The following PABPC4L variants were observed in gnomAD, a reference collection of about 807,000 sequenced individuals.
The protein encoded by PABPC4L is poly(A) binding protein cytoplasmic 4 like.
For synonymous variants in PABPC4L, 169 were observed against 164.1 expected (o/e 1.03, Z -0.23); for missense variants, 452 against 451.4 (o/e 1.00, Z -0.01).
the PABPC4L span, among the ~76,000 whole-genome samples, chr4:134,044,399 G>A: frequency 6.6e-6 from 1 of 152,038 alleles, no homozygotes; most frequent in Non-Finnish European, 1.5e-5. Context: ...GAGTAGCTGG[G>A]ACTACAGGCA....
At chr4:133,980,945 G>A in the PABPC4L span, among the ~76,000 whole-genome samples, 1 of 152,110 alleles carries the variant, frequency 6.6e-6, no homozygotes, top group Non-Finnish European at 1.5e-5. Context: ...ATCATTTGAG[G>A]TCAGGAGTTC....
chr4:134,088,152 C>A, the PABPC4L span, among the ~76,000 whole-genome samples: 1 of 152,150 alleles, frequency 6.6e-6, no homozygotes, highest in African/African-American at 2.4e-5. Context: ...CCTCATCTCC[C>A]TGTATCCTAA....
chr4:133,958,503 T>C, the PABPC4L span, among the ~76,000 whole-genome samples: 4 of 152,202 alleles, frequency 2.6e-5, no homozygotes, highest in Non-Finnish European at 5.9e-5. Flanking sequence ...GGGGTATCTT[T>C]ATAGCAGTGC....
At chr4:134,009,104 T>C in the PABPC4L span, among the ~76,000 whole-genome samples, 6 of 151,946 alleles carry the variant, frequency 3.9e-5, no homozygotes, top group East Asian at 1.2e-3. Flanking sequence ...ATTTTATCCT[T>C]ACATTTTCTG....
chr4:134,004,152 A>C, the PABPC4L span, among the ~76,000 whole-genome samples: 8 of 151,886 alleles, frequency 5.3e-5, no homozygotes, highest in Non-Finnish European at 1.0e-4. Flanking sequence ...TGATTCTAAC[A>C]AACTAACAAG....
chr4:133,993,315 C>T, the PABPC4L span, among the ~76,000 whole-genome samples: 1 of 151,984 alleles, frequency 6.6e-6, no homozygotes, highest in South Asian at 2.1e-4. Flanking sequence ...TATGGGATGC[C>T]TGTAGAATGT....
At chr4:134,134,059 A>C in the PABPC4L span, among the ~76,000 whole-genome samples, 1 of 152,092 alleles carries the variant, frequency 6.6e-6, no homozygotes, top group Non-Finnish European at 1.5e-5. Context: ...ATTGATAAAT[A>C]AATTTCAACA....
the PABPC4L span, among the ~76,000 whole-genome samples, chr4:134,141,070 T>C: frequency 6.6e-6 from 1 of 151,770 alleles, no homozygotes; most frequent in Admixed American, 6.6e-5. Flanking sequence ...AATTATTTAC[T>C]TCATTTTTCA....
chr4:134,108,538 T>C, the PABPC4L span, among the ~76,000 whole-genome samples: 1 of 151,894 alleles, frequency 6.6e-6, no homozygotes, highest in Non-Finnish European at 1.5e-5. Context: ...CCACAACTGA[T>C]ATTTATGAGT....
chr4:134,003,061 G>A, the PABPC4L span, among the ~76,000 whole-genome samples: 2 of 151,860 alleles, frequency 1.3e-5, 1 homozygote, highest in Admixed American at 1.3e-4. Context: ...TTCATTTCAG[G>A]GGTGTCTCAC....
At chr4:133,980,924 G>T in the PABPC4L span, among the ~76,000 whole-genome samples, 1 of 152,178 alleles carries the variant, frequency 6.6e-6, no homozygotes, top group Non-Finnish European at 1.5e-5. Flanking sequence ...TTGGGAGGCC[G>T]AAGTGGGCAG....
chr4:133,964,039 G>A, the PABPC4L span, among the ~76,000 whole-genome samples: 1 of 151,954 alleles, frequency 6.6e-6, no homozygotes. Flanking sequence ...AAAAACCTGT[G>A]TCTTTGAAAA....
the PABPC4L span, among the ~76,000 whole-genome samples, chr4:134,011,848 C>G: frequency 6.6e-6 from 1 of 152,072 alleles, no homozygotes; most frequent in Non-Finnish European, 1.5e-5. Flanking sequence ...AATACTTAAG[C>G]AGGATGGAAA....
At chr4:134,139,569 A>G in the PABPC4L span, among the ~76,000 whole-genome samples, 2 of 151,962 alleles carry the variant, frequency 1.3e-5, no homozygotes, top group African/African-American at 4.8e-5. Flanking sequence ...AATAAGGTCT[A>G]TTTTAGTTTT....
chr4:134,121,765 A>G, the PABPC4L span, among the ~76,000 whole-genome samples: 1 of 151,732 alleles, frequency 6.6e-6, no homozygotes, highest in South Asian at 2.1e-4. Flanking sequence ...CATGCTGAAT[A>G]TCAGTGTTCT....
At chr4:134,094,973 A>T in the PABPC4L span, among the ~76,000 whole-genome samples, 1 of 151,760 alleles carries the variant, frequency 6.6e-6, no homozygotes, top group African/African-American at 2.4e-5. Flanking sequence ...ATTTTATATG[A>T]AAAACAAAGT....
chr4:134,183,929 T>C, the PABPC4L span, among the ~76,000 whole-genome samples: 1 of 151,296 alleles, frequency 6.6e-6, no homozygotes, highest in African/African-American at 2.4e-5. Context: ...TGCGTGTGTG[T>C]GTGTGTGTGT....
chr4:134,078,832 T>G, the PABPC4L span, among the ~76,000 whole-genome samples: 1 of 151,404 alleles, frequency 6.6e-6, no homozygotes, highest in Non-Finnish European at 1.5e-5. Context: ...TTTTTTTCTT[T>G]TTTTTCTTTT....
the PABPC4L span, among the ~76,000 whole-genome samples, chr4:134,095,022 C>G: frequency 4.3e-3 from 649 of 151,792 alleles, 9 homozygotes; most frequent in African/African-American, 0.015. Context: ...TAAGAAAAGT[C>G]CATTAAAATT....
Sources: allele counts gnomAD v4.1 joint callset (sites outside exome capture counted in the v4.1 genomes callset), GRCh38; gene constraint gnomAD v4.1.1; transcripts MANE v1.5; gene names NCBI Gene and HGNC (gene_info 2026-07-23, HGNC 2026-07-21).